Variants in SHROOM2 observed in about 807,000 individuals in gnomAD.
SHROOM2 encodes the protein shroom family member 2.
SHROOM2 carries 33 observed loss-of-function variants against 75.9 expected under a neutral mutation model. That is an observed-to-expected ratio of 0.43 (90% CI 0.33 to 0.58). SHROOM2 has a LOEUF of 0.58. Ranked by LOEUF, SHROOM2 falls within the 20% of genes least tolerant of loss-of-function variation. The pLI is 0.04. For missense variants in SHROOM2, 1,434 were observed against 1,461.2 expected (o/e 0.98, Z 0.30); for synonymous variants, 655 against 663.6 (o/e 0.99, Z 0.20).
intron 5 of SHROOM2, among the ~76,000 whole-genome samples, chrX:9,905,249 C>T (rs890277446): frequency 4.4e-5 from 5 of 112,376 alleles, no homozygotes; most frequent in African/African-American, 6.5e-5. Flanking sequence ...TCTCAGAAAT[C>T]GATTTAGCTC....
At chrX:9,837,202 C>T (rs1218475417) in intron 1 of SHROOM2, among the ~76,000 whole-genome samples, 2 of 112,551 alleles carry the variant, frequency 1.8e-5, no homozygotes, top group East Asian at 5.6e-4. Context: ...GGGGTCTCGG[C>T]TCTGGAAGTG....
At chrX:9,934,388 G>A (rs934333015) in intron 6 of SHROOM2, among the ~76,000 whole-genome samples, 4 of 111,409 alleles carry the variant, frequency 3.6e-5, no homozygotes, top group Admixed American at 1.9e-4. Flanking sequence ...TCCAGCCGAG[G>A]CATTGTAACC....
intron 5 of SHROOM2, among the ~76,000 whole-genome samples, chrX:9,910,816 CAAAAA>C (rs201958775): frequency 1.0e-5 from 1 of 95,633 alleles, no homozygotes; most frequent in Non-Finnish European, 2.1e-5. Context: ...GACTCCATCT[CAAAAA>C]AAAAAAAGTA....
chrX:9,938,744 A>G (rs763279448), intron 7 of SHROOM2, among the ~76,000 whole-genome samples: 5 of 111,433 alleles, frequency 4.5e-5, no homozygotes, highest in Non-Finnish European at 9.4e-5. Context: ...AGGAAGGTGG[A>G]GTGGGTATGA....
chrX:9,905,484 A>T (rs1014873693), intron 5 of SHROOM2, among the ~76,000 whole-genome samples: 5 of 112,931 alleles, frequency 4.4e-5, no homozygotes, highest in South Asian at 3.6e-4. Context: ...AGGCCCCTGC[A>T]TACCACACAG....
Position 9,895,344 on chromosome X carries a change from C to T in SHROOM2, c.1436C>T (p.Pro479Leu), listed in dbSNP as rs1170186391. Residue 479 changes from proline to leucine, a missense_variant, in exon 4 of 10, where the codon CCC (proline) becomes CTC (leucine). Physicochemically the swap from Pro to Leu is moderately conservative, Grantham distance 98. Coordinates refer to ENST00000380913, the MANE Select transcript of SHROOM2 (RefSeq NM_001649.4). Reference protein sequence around the residue: ...KLGSGWQGPRPCVQGDLQAAQ... With the variant: ...KLGSGWQGPRLCVQGDLQAAQ... Reference sequence around the variant, plus strand: ...GGGAGCGGCTGGCAGGGTCCCCGGCCCTGTGTGCAGGGAGACCTGCAAGCA... The same window carrying T: ...GGGAGCGGCTGGCAGGGTCCCCGGCTCTGTGTGCAGGGAGACCTGCAAGCA... The T allele has an allele frequency of 2.5e-6, 3 of 1,180,082 alleles. No individual in the cohort carries two copies. The highest frequency in any genetic ancestry group is 3.4e-6 in the Non-Finnish European group (3 of 879,822).
intron 1 of SHROOM2, among the ~76,000 whole-genome samples, chrX:9,825,464 C>A (rs918133421): frequency 8.9e-6 from 1 of 112,412 alleles, no homozygotes; most frequent in East Asian, 2.8e-4. Context: ...TCTATAAATT[C>A]AGTTGGGGCT....
At chrX:9,794,672 A>G (rs2083685225) in intron 1 of SHROOM2, among the ~76,000 whole-genome samples, 1 of 111,888 alleles carries the variant, frequency 8.9e-6, no homozygotes, top group South Asian at 3.7e-4. Flanking sequence ...GCCCAGCCAT[A>G]AACTAGTTTT....
At chrX:9,843,290 A>G (rs758545471) in intron 1 of SHROOM2, among the ~76,000 whole-genome samples, 45 of 110,500 alleles carry the variant, frequency 4.1e-4, no homozygotes, top group African/African-American at 7.9e-4. Context: ...CAATGAACCA[A>G]TATTGCTACA....
chrX:9,910,336 G>A (rs1414610128), intron 5 of SHROOM2, among the ~76,000 whole-genome samples: 1 of 111,756 alleles, frequency 8.9e-6, no homozygotes, highest in Non-Finnish European at 1.9e-5. Flanking sequence ...ATTAATAATA[G>A]GGGGAAGTGG....
intron 1 of SHROOM2, among the ~76,000 whole-genome samples, chrX:9,864,196 C>T (rs1272939887): frequency 9.0e-6 from 1 of 111,124 alleles, no homozygotes; most frequent in Non-Finnish European, 1.9e-5. Context: ...GACGAGCTGT[C>T]ACATCAGAAG....
chrX:9,900,780 G>C (rs775390316), intron 5 of SHROOM2, among the ~76,000 whole-genome samples: 5 of 111,073 alleles, frequency 4.5e-5, no homozygotes, highest in African/African-American at 1.3e-4. Flanking sequence ...AACTGAACCT[G>C]AGGGAGCAGA....
intron 5 of SHROOM2, among the ~76,000 whole-genome samples, chrX:9,900,536 CAAA>C (rs1235666427): frequency 8.9e-5 from 10 of 112,382 alleles, no homozygotes; most frequent in Non-Finnish European, 1.5e-4. Context: ...GTTTGGATAA[CAAA>C]AGAATGTTGA....
intron 1 of SHROOM2, among the ~76,000 whole-genome samples, chrX:9,825,795 G>A (rs992490608): frequency 8.9e-6 from 1 of 112,274 alleles, no homozygotes; most frequent in Non-Finnish European, 1.9e-5. Flanking sequence ...CCTGTTTGAC[G>A]CTGTCTGACC....
intron 1 of SHROOM2, among the ~76,000 whole-genome samples, chrX:9,808,581 G>A (rs1181649502): frequency 9.1e-6 from 1 of 109,786 alleles, no homozygotes; most frequent in Non-Finnish European, 1.9e-5. Context: ...GGATATAATG[G>A]TTGGGCGCAG....
intron 1 of SHROOM2, among the ~76,000 whole-genome samples, chrX:9,800,118 A>C (rs2083716462): frequency 9.0e-6 from 1 of 111,135 alleles, no homozygotes; most frequent in African/African-American, 3.3e-5. Context: ...GCCCAGCGTC[A>C]CTGCCTCCAG....
intron 1 of SHROOM2, among the ~76,000 whole-genome samples, chrX:9,848,814 T>G (rs1203421463): frequency 9.0e-6 from 1 of 111,189 alleles, no homozygotes; most frequent in African/African-American, 3.3e-5. Context: ...CTCTCAATAG[T>G]AACGTGTGCT....
In SHROOM2 at chrX:9,873,633, A is replaced by T; in HGVS notation, c.166-19A>T. 4 of 1,210,697 alleles carry T rather than the reference A, an allele frequency of 3.3e-6. No homozygotes were observed. The highest frequency in any genetic ancestry group is 4.5e-6 in the Non-Finnish European group (4 of 894,668). ...TTGCTGCTCGTGGAAGGCTCATGGA[A>T]CATGCTTCTCTGTTACAGATTGAAG... On this transcript the variant is annotated intron_variant, in intron 1 of 9. Transcript: ENST00000380913.
At chrX:9,943,808 C>T (rs1488243771) in intron 8 of SHROOM2, among the ~76,000 whole-genome samples, 1 of 111,833 alleles carries the variant, frequency 8.9e-6, no homozygotes, top group African/African-American at 3.2e-5. Flanking sequence ...CATTCGTATC[C>T]CTTTATTGGT....
Sources: gnomAD v4.1 joint callset for allele counts (sites outside exome capture counted in the v4.1 genomes callset) on GRCh38, gnomAD v4.1.1 for gene constraint, MANE v1.5 for transcripts, NCBI Gene and HGNC (gene_info 2026-07-23, HGNC 2026-07-21) for gene names.